The following UTRN variants were observed in gnomAD, a reference collection of about 807,000 sequenced individuals.
The protein encoded by UTRN is utrophin, also known as dystrophin-related protein 1.
In UTRN, 283 loss-of-function variants were observed where a neutral mutation model predicts 463.9. The observed-to-expected ratio is 0.61, with a 90% CI of 0.55 to 0.67. The LOEUF is 0.67. Among genes scored for constraint, UTRN ranks in the 30% least tolerant of loss-of-function variants. The pLI is 0.00. For missense variants in UTRN, 3,922 were observed against 4,084.3 expected (o/e 0.96, Z 1.08); for synonymous variants, 1,442 against 1,431.5 (o/e 1.01, Z -0.17).
rs754026872 is a variant in UTRN, at chr6:144,836,511, G to A, written c.10035G>A (p.Gln3345=). 1 of 1,613,842 alleles carries A rather than the reference G, an allele frequency of 6.2e-7. No homozygotes were observed. Among genetic ancestry groups the A allele is most frequent in the East Asian group, 2.2e-5 (1 of 44,836 alleles). The change falls in exon 71 of 75, where the codon CAG becomes CAA. Residue 3345 remains glutamine, a synonymous_variant. Coordinates refer to ENST00000367545, the MANE Select transcript of UTRN (RefSeq NM_007124.3). ...ATCACAATAAACAGCTGGAGTCTCA[G>A]CTCCACCGCCTCCGACAGCTGCTGG... ...LEDHNKQLES[Q]LHRLRQLLEQ...
intron 73 of UTRN, 46 bp from the exon 74 acceptor site, chr6:144,846,759 A>G: frequency 6.2e-7 from 1 of 1,613,948 alleles, no homozygotes; most frequent in Non-Finnish European, 8.5e-7. Context: ...GAACCAACAA[A>G]GTAACAGGAC....
intron 2 of UTRN, among the ~76,000 whole-genome samples, chr6:144,311,124 C>T (rs1021709594): frequency 2.0e-5 from 3 of 152,174 alleles, no homozygotes; most frequent in African/African-American, 2.4e-5. Flanking sequence ...AGAATTCTGG[C>T]GTAAGAAGCT....
At chr6:144,674,237 A>C (rs1426981400) in intron 51 of UTRN, among the ~76,000 whole-genome samples, 1 of 151,740 alleles carries the variant, frequency 6.6e-6, no homozygotes, top group Non-Finnish European at 1.5e-5. Context: ...TTTTCAAATA[A>C]ATTTTCCAAA....
chr6:144,516,445 C>T (rs1795615275), intron 38 of UTRN, 58 bp downstream of exon 38: 1 of 1,527,420 alleles, frequency 6.5e-7, no homozygotes, highest in Non-Finnish European at 8.8e-7. Context: ...CTATTAATTT[C>T]ATTTTTACAT....
Position 144,746,933 on chromosome 6 carries a change from C to T in UTRN, c.7940-1313C>T, listed in dbSNP as rs117546901. On this transcript the variant is annotated intron_variant, in intron 54 of 74. Coordinates refer to ENST00000367545, the MANE Select transcript of UTRN (RefSeq NM_007124.3). Reference sequence around the variant, plus strand: ...TTAAGCAGCACAACTTGTAGTTCTGCGGTTGCTAAATATCAATGTCTAGAA... The same window carrying T: ...TTAAGCAGCACAACTTGTAGTTCTGTGGTTGCTAAATATCAATGTCTAGAA... 3.4e-3 allele frequency among the ~76,000 whole-genome samples: 511 copies of T among 152,304 alleles called. 18 individuals are homozygous for T. The East Asian group carries it at 0.078, about 23-fold the overall frequency.
intron 35 of UTRN, 67 bp from the exon 36 acceptor site, chr6:144,513,842 C>A (rs1795381006): frequency 1.3e-6 from 2 of 1,537,038 alleles, no homozygotes; most frequent in South Asian, 1.2e-5. Context: ...TCTTTTAAAT[C>A]TCTTTTAAGA....
chr6:144,616,260 C>T (rs1806081199), intron 51 of UTRN, among the ~76,000 whole-genome samples: 1 of 152,172 alleles, frequency 6.6e-6, no homozygotes, highest in Admixed American at 6.5e-5. Flanking sequence ...ATAATTCACA[C>T]AGTTAATTAT....
intron 2 of UTRN, among the ~76,000 whole-genome samples, chr6:144,294,408 A>C (rs1177624167): frequency 6.6e-6 from 1 of 152,228 alleles, no homozygotes; most frequent in African/African-American, 2.4e-5. Flanking sequence ...GGTACTCTAA[A>C]ACTTACATAT....
intron 50 of UTRN, among the ~76,000 whole-genome samples, chr6:144,574,726 C>A (rs889051601): frequency 6.6e-6 from 1 of 152,126 alleles, no homozygotes; most frequent in Non-Finnish European, 1.5e-5. Flanking sequence ...GGATTACAGG[C>A]ATGCCCCACC....
At chr6:144,363,668 T>G (rs1779263583) in intron 2 of UTRN, among the ~76,000 whole-genome samples, 1 of 152,204 alleles carries the variant, frequency 6.6e-6, no homozygotes, top group Non-Finnish European at 1.5e-5. Flanking sequence ...ATATACAATA[T>G]TTTGTTATAG....
At chr6:144,403,620 A>G (rs540277413) in intron 3 of UTRN, among the ~76,000 whole-genome samples, 1 of 152,186 alleles carries the variant, frequency 6.6e-6, no homozygotes, top group Non-Finnish European at 1.5e-5. Context: ...GATGTGGCTA[A>G]TAATATTTAT....
At chr6:144,641,121 C>T (rs541286041) in intron 51 of UTRN, among the ~76,000 whole-genome samples, 2 of 152,174 alleles carry the variant, frequency 1.3e-5, no homozygotes, top group South Asian at 4.1e-4. Context: ...AAGGATGCAC[C>T]TATGACACAG....
intron 2 of UTRN, among the ~76,000 whole-genome samples, chr6:144,325,575 G>A (rs992811195): frequency 1.3e-5 from 2 of 152,140 alleles, no homozygotes; most frequent in Non-Finnish European, 2.9e-5. Flanking sequence ...GCCTCCCATC[G>A]CTGATCAGCC....
intron 2 of UTRN, among the ~76,000 whole-genome samples, chr6:144,361,403 G>T (rs1283326454): frequency 6.6e-6 from 1 of 152,030 alleles, no homozygotes; most frequent in Non-Finnish European, 1.5e-5. Context: ...TGGCAGGCAG[G>T]GAAATATTAG....
At chr6:144,583,006 C>T (rs1038737056) in intron 51 of UTRN, among the ~76,000 whole-genome samples, 2 of 152,162 alleles carry the variant, frequency 1.3e-5, no homozygotes, top group Non-Finnish European at 2.9e-5. Context: ...GTGAACATAT[C>T]CCTCTTTAGA....
At chr6:144,713,268 T>A (rs974860181) in intron 53 of UTRN, among the ~76,000 whole-genome samples, 3 of 152,276 alleles carry the variant, frequency 2.0e-5, no homozygotes, top group African/African-American at 4.8e-5. Flanking sequence ...GTATTGCATA[T>A]ATTAGCTGGA....
At chr6:144,335,497 C>A (rs1776647141) in intron 2 of UTRN, among the ~76,000 whole-genome samples, 1 of 152,222 alleles carries the variant, frequency 6.6e-6, no homozygotes. Context: ...CATGCTCTGA[C>A]CTGCCTCCGT....
intron 2 of UTRN, among the ~76,000 whole-genome samples, chr6:144,369,614 CAAAA>C (rs2114707937): frequency 6.6e-6 from 1 of 152,228 alleles, no homozygotes; most frequent in South Asian, 2.1e-4. Context: ...GACTCTGTCT[CAAAA>C]AAGAAAACAA....
intron 6 of UTRN, among the ~76,000 whole-genome samples, chr6:144,425,547 C>A (rs1261773305): frequency 6.6e-6 from 1 of 152,122 alleles, no homozygotes; most frequent in Non-Finnish European, 1.5e-5. Flanking sequence ...TTTCATTAAT[C>A]CTTCTACATT....
Sources: allele counts gnomAD v4.1 joint callset (sites outside exome capture counted in the v4.1 genomes callset), GRCh38; gene constraint gnomAD v4.1.1; transcripts MANE v1.5; gene names NCBI Gene and HGNC (gene_info 2026-07-23, HGNC 2026-07-21).